Variants in NOS3 observed in about 807,000 individuals in gnomAD.
The protein encoded by NOS3 is nitric oxide synthase 3.
NOS3 carries 98 observed loss-of-function variants against 144.9 expected under a neutral mutation model. That is an observed-to-expected ratio of 0.68 (90% CI 0.57 to 0.80). The LOEUF (loss-of-function observed/expected upper bound fraction) is 0.80, where lower values mean the gene tolerates loss of function less well. NOS3 is among the 30% of genes least tolerant of loss of function. The probability of loss-of-function intolerance (pLI) is 0.00; values close to 1 mark genes in which losing one functional copy is unlikely to be tolerated. For synonymous variants in NOS3, 714 were observed against 702.4 expected (o/e 1.02, Z -0.26); for missense variants, 1,465 against 1,656.4 (o/e 0.88, Z 2.01).
intron 23 of NOS3, chr7:151,012,113 C>A: frequency 2.1e-6 from 1 of 473,778 alleles, no homozygotes; most frequent in Non-Finnish European, 3.8e-6. Context: ...TCTAAATCCC[C>A]TGAGTCATCT....
chr7:150,995,124 C>A, intron 2 of NOS3, 79 bp from the exon 3 acceptor site: 2 of 759,002 alleles, frequency 2.6e-6, no homozygotes, highest in Non-Finnish European at 4.4e-6. Flanking sequence ...AGTGCTGTAA[C>A]AGGGGCCTCC....
At chr7:151,006,593 C>T (rs1426266907) in intron 15 of NOS3, 99 bp downstream of exon 15, 7 of 1,055,666 alleles carry the variant, frequency 6.6e-6, no homozygotes, top group African/African-American at 1.6e-5. Flanking sequence ...TGCCTCAAGT[C>T]GTTTTCCCAC....
In NOS3 at chr7:151,009,590, G is replaced by A; in HGVS notation, c.2512+5G>A. ...AGCTGGAGAAGGGCAGCCCTGGTGA[G>A]GGGCAGCCTGGGAAGCAACAGGGCA... On this transcript the variant is annotated splice_donor_5th_base_variant and intron_variant, in intron 20 of 26. Coordinates refer to ENST00000297494, the MANE Select transcript of NOS3 (RefSeq NM_000603.5). 1 of 1,520,124 alleles carries A rather than the reference G, an allele frequency of 6.6e-7. No individual in the cohort carries two copies. Among genetic ancestry groups the A allele is most frequent in the Non-Finnish European group, 8.8e-7 (1 of 1,132,126 alleles). 94.2% of individuals were successfully genotyped at this position (1,520,124 alleles called of 1,614,324 possible). A position where few individuals can be genotyped will look rare whatever the true frequency, so the allele number is the denominator to read the frequency against.
chr7:150,994,572 G>T (rs748567168), intron 2 of NOS3, among the ~76,000 whole-genome samples: 5 of 152,190 alleles, frequency 3.3e-5, no homozygotes, highest in Non-Finnish European at 7.4e-5. Flanking sequence ...CCTCCCGGGG[G>T]TAGAGGTCCC....
rs3918164 is a variant in NOS3 at position 150,994,085 on chromosome 7, C to T, written c.158+124C>T. ...GGGCCAGGTCACAAATGCAAAAGGG[C>T]TATTAATGTGCATAGAACAGGACAG... is the stretch of plus-strand genomic sequence containing the variant. On this transcript the variant is annotated intron_variant, in intron 2 of 26. Coordinates refer to ENST00000297494, the MANE Select transcript of NOS3 (RefSeq NM_000603.5). 2,568 of 1,023,154 alleles carry T rather than the reference C, an allele frequency of 2.5e-3. 33 individuals are homozygous for T. In the African/African-American group the frequency reaches 0.036, roughly 14 times the overall value. The allele number at this position is 1,023,154 out of a possible 1,614,324, so 63.4% of individuals were successfully genotyped here.
chr7:151,011,895 G>C (rs190436918), intron 23 of NOS3: 48 of 402,466 alleles, frequency 1.2e-4, no homozygotes, highest in African/African-American at 7.5e-4. Context: ...TCGCAGCCAG[G>C]AACCAAAAGT....
intron 23 of NOS3, 185 bp from the exon 24 acceptor site, chr7:151,012,166 A>G: frequency 1.8e-6 from 1 of 547,728 alleles, no homozygotes; most frequent in Non-Finnish European, 3.2e-6. Context: ...CCTTTGGTGC[A>G]ATCTCCAGAA....
At chr7:151,012,208 GTTGTTTTTTGTTTT>G in intron 23 of NOS3, 129 bp from the exon 24 acceptor site, 1 of 658,374 alleles carries the variant, frequency 1.5e-6, no homozygotes, top group South Asian at 2.4e-5. Flanking sequence ...AGCAAGTAGA[GTTGTTTTTTGTTTT>G]TTGTTTTTTT....
chr7:150,994,673 G>A (rs1053838606), intron 2 of NOS3, among the ~76,000 whole-genome samples: 1 of 152,176 alleles, frequency 6.6e-6, no homozygotes, highest in South Asian at 2.1e-4. Flanking sequence ...GCTGAGGGCC[G>A]GGGCCCTGCT....
intron 9 of NOS3, among the ~76,000 whole-genome samples, chr7:150,999,757 CTG>C (rs1446957093): frequency 1.3e-5 from 1 of 78,534 alleles, no homozygotes; most frequent in Admixed American, 1.4e-4. Context: ...GGGTAGGTGA[CTG>C]TGGGTTTGTG....
intron 1 of NOS3, among the ~76,000 whole-genome samples, chr7:150,992,597 G>A (rs979348379): frequency 2.6e-5 from 4 of 152,090 alleles, no homozygotes; most frequent in Non-Finnish European, 5.9e-5. Context: ...AGCACAGCCC[G>A]TTCCTTCCGC....
rs1277224565 is a variant in NOS3, at chr7:150,998,613, G to T, written c.749G>T (p.Arg250Leu). 3.1e-6 allele frequency: 5 copies of T among 1,608,304 alleles called. No individual in the cohort carries two copies. Among genetic ancestry groups the T allele is most frequent in the Non-Finnish European group, 4.2e-6 (5 of 1,178,550 alleles). The change falls in exon 7 of 27, where the codon CGC becomes CTC. Residue 250 changes from arginine (R) to leucine (L), a missense_variant. Arg to Leu is a moderately radical substitution (Grantham distance 102). Around this residue, in one of 5 missense-constraint regions of NOS3, gnomAD observed 374 missense variants for 377.0 expected, o/e 0.99. Coordinates refer to ENST00000297494, the MANE Select transcript of NOS3 (RefSeq NM_000603.5). The surrounding 1 kb of genome is among the most constrained non-coding windows in gnomAD (Gnocchi z 5.0). ...DFRIWNSQLV[R>L]YAGYRQQDGS... Reference sequence around the variant, plus strand: ...CGAATCTGGAACAGCCAGCTGGTGCGCTACGCGGGCTACCGGCAGCAGGAT... The same window carrying T: ...CGAATCTGGAACAGCCAGCTGGTGCTCTACGCGGGCTACCGGCAGCAGGAT...
Position 151,002,383 on chromosome 7 carries a change from AACACACACACACACACACACACACAC to A in NOS3, c.1752+124_1752+149del, listed in dbSNP as rs3138808. Reference sequence around the variant, plus strand: ...AGTGACTGGGCAGGAACCTCTGCCCAACACACACACACACACACACACACACACACACACACACACACACACACACA... The same window carrying A: ...AGTGACTGGGCAGGAACCTCTGCCCAACACACACACACACACACACACACA... On this transcript the variant is annotated intron_variant, in intron 14 of 26. Coordinates refer to ENST00000297494, the MANE Select transcript of NOS3 (RefSeq NM_000603.5). This position sits in a 1 kb window ranked among gnomAD's most constrained non-coding sequence, Gnocchi z 4.1. The A allele has an allele frequency of 9.7e-3, 2,630 of 270,868 alleles. 30 individuals carry two copies. Among genetic ancestry groups the A allele is most frequent in the African/African-American group, 0.028 (683 of 24,512 alleles). 16.8% of individuals were successfully genotyped at this position (270,868 alleles called of 1,614,324 possible).
chr7:150,998,512 G>T lies in NOS3; in HGVS notation c.675-27G>T. On this transcript the variant is annotated intron_variant, in intron 6 of 26. Coordinates refer to ENST00000297494, the MANE Select transcript of NOS3 (RefSeq NM_000603.5). The surrounding 1 kb of genome is among the most constrained non-coding windows in gnomAD (Gnocchi z 5.0). ...CCCAAGGCAGGGAAGGCGGGGCTCT[G>T]ACCAGCTCTTTCCCCATGCGTGCCA... 1.9e-6 allele frequency: 3 copies of T among 1,611,052 alleles called. No individual in the cohort carries two copies. The highest frequency in any genetic ancestry group is 1.3e-5 in the African/African-American group (1 of 75,042).
intron 14 of NOS3, 116 bp from the exon 15 acceptor site, chr7:151,006,311 A>G: frequency 1.2e-6 from 1 of 817,988 alleles, no homozygotes; most frequent in Non-Finnish European, 2.0e-6. Context: ...TTTTCAAAAC[A>G]AATAAAAATT....
chr7:151,005,795 A>T (rs1472187281), intron 14 of NOS3, among the ~76,000 whole-genome samples: 1 of 152,232 alleles, frequency 6.6e-6, no homozygotes, highest in Non-Finnish European at 1.5e-5. Context: ...TGGAAAGTCC[A>T]GGCCGGAGGA....
chr7:150,991,455 C>G (rs927568015), intron 1 of NOS3, among the ~76,000 whole-genome samples, 155 bp downstream of exon 1: 2 of 152,178 alleles, frequency 1.3e-5, no homozygotes, highest in Non-Finnish European at 2.9e-5. Flanking sequence ...AGCACAGGAC[C>G]ATTAGGGAGA....
At position 151,004,636 on chromosome 7, in the gene NOS3, T is replaced by C. The variant is rs143531681; in HGVS notation, c.1753-1791T>C. On this transcript the variant is annotated intron_variant, in intron 14 of 26. Transcript: ENST00000297494. ...AACGAAACACAACCACACACAACAG[T>C]GCAGGTGAATCTCAAAAAATGTGAA... 9.9e-4 allele frequency among the ~76,000 whole-genome samples: 151 copies of C among 152,220 alleles called. 6 individuals carry two copies. The East Asian group carries it at 0.017, about 17-fold the overall frequency.
At chr7:151,010,311 AC>A in intron 21 of NOS3, 24 bp downstream of exon 21, 1 of 1,604,712 alleles carries the variant, frequency 6.2e-7, no homozygotes, top group Non-Finnish European at 8.5e-7. Flanking sequence ...CCAATGAGGC[AC>A]AGGGGCTAGA....
Sources: allele counts gnomAD v4.1 joint callset (sites outside exome capture counted in the v4.1 genomes callset), GRCh38; gene constraint gnomAD v4.1.1; regional missense constraint gnomAD v4.1.1; non-coding constraint Gnocchi (gnomAD v3.1); transcripts MANE v1.5; gene names NCBI Gene and HGNC (gene_info 2026-07-23, HGNC 2026-07-21).